The following SBF2 variants were observed in gnomAD, a reference collection of about 807,000 sequenced individuals.
SBF2 encodes the protein SET binding factor 2.
In SBF2, 112 loss-of-function variants were observed where a neutral mutation model predicts 225.2. The observed-to-expected ratio is 0.50, with a 90% confidence interval of 0.43 to 0.58. The LOEUF is 0.58. Ranked by LOEUF, SBF2 falls within the 20% of genes least tolerant of loss-of-function variation. The probability of loss-of-function intolerance (pLI) is 0.00; values close to 1 mark genes in which losing one functional copy is unlikely to be tolerated. For missense variants in SBF2, 1,996 were observed against 2,206.2 expected (o/e 0.90, Z 1.91); for synonymous variants, 763 against 773.3 (o/e 0.99, Z 0.22).
intron 1 of SBF2, among the ~76,000 whole-genome samples, chr11:10,200,463 T>C (rs1957530283): frequency 1.3e-5 from 2 of 152,192 alleles, no homozygotes; most frequent in Admixed American, 1.3e-4. Context: ...AGAATGGTGT[T>C]ATTTAAGGTC....
In SBF2 at chr11:9,894,047, A is replaced by G. The variant is rs538770356; in HGVS notation, c.1929+1896T>C. Among the ~76,000 whole-genome samples, 3 of 152,148 alleles carry G rather than the reference A, an allele frequency of 2.0e-5. No homozygotes were observed. In the South Asian group the frequency reaches 6.2e-4, roughly 32 times the overall value. On this transcript the variant is annotated intron_variant, in intron 17 of 39. Coordinates refer to ENST00000256190, the MANE Select transcript of SBF2 (RefSeq NM_030962.4). ...GACAGCTTGAGTCTAGGAATTTGAG[A>G]CCAGCCTGGGCAACATGATGAAACT...
At chr11:9,830,468 A>C (rs1299533587) in intron 27 of SBF2, among the ~76,000 whole-genome samples, 1 of 152,186 alleles carries the variant, frequency 6.6e-6, no homozygotes, top group East Asian at 1.9e-4. Context: ...AGCCAGGCGC[A>C]GTGGTTCACG....
At chr11:9,810,863 A>C (rs1333023766) in intron 30 of SBF2, 1 of 152,256 alleles carries the variant, frequency 6.6e-6, no homozygotes, top group Non-Finnish European at 1.5e-5. Flanking sequence ...ATTACTGAGT[A>C]TATACCCAAA....
intron 3 of SBF2, among the ~76,000 whole-genome samples, chr11:10,032,015 T>A (rs150570481): frequency 8.0e-4 from 122 of 152,302 alleles, no homozygotes; most frequent in Non-Finnish European, 1.4e-3. Context: ...TGCTGGATTA[T>A]AGGTGTGAGC....
chr11:9,799,425 C>T (rs1261391309), intron 32 of SBF2, among the ~76,000 whole-genome samples: 1 of 152,134 alleles, frequency 6.6e-6, no homozygotes, highest in Admixed American at 6.5e-5. Context: ...CACCTGCAGT[C>T]GCTAACTGGG....
intron 34 of SBF2, among the ~76,000 whole-genome samples, chr11:9,790,316 G>C (rs140811731): frequency 9.7e-4 from 147 of 152,266 alleles, no homozygotes; most frequent in African/African-American, 3.1e-3. Context: ...TTGATTCTCT[G>C]CAAGTTTTCC....
chr11:10,134,189 A>C (rs191834076), intron 2 of SBF2, among the ~76,000 whole-genome samples: 6 of 152,324 alleles, frequency 3.9e-5, no homozygotes, highest in African/African-American at 1.4e-4. Flanking sequence ...TCCCCTTTAC[A>C]AAACCATCAG....
intron 1 of SBF2, among the ~76,000 whole-genome samples, chr11:10,237,358 A>C (rs1438885236): frequency 6.6e-6 from 1 of 150,398 alleles, no homozygotes; most frequent in African/African-American, 2.4e-5. Flanking sequence ...AAAAACACAA[A>C]AACAACAACA....
At chr11:10,064,184 C>T (rs1950554330) in intron 2 of SBF2, among the ~76,000 whole-genome samples, 1 of 151,894 alleles carries the variant, frequency 6.6e-6, no homozygotes, top group South Asian at 2.1e-4. Context: ...TCAACAATAG[C>T]ACAAAATTTG....
chr11:10,167,225 T>C lies in SBF2; in HGVS notation c.141+26677A>G, dbSNP rs1413762799. The stretch of plus-strand genomic sequence containing the variant: ...TGGTTAATTTAACGCAAGAAACTAA[T>C]GTCCACCGTTAATGAACTTCACATA... On this transcript the variant is annotated intron_variant, in intron 2 of 39. Transcript: ENST00000256190. Among the ~76,000 whole-genome samples, 3 of 152,220 alleles carry C rather than the reference T, an allele frequency of 2.0e-5. No individual in the cohort carries two copies. In the East Asian group the frequency reaches 5.8e-4, roughly 29 times the overall value.
intron 1 of SBF2, among the ~76,000 whole-genome samples, chr11:10,291,655 TAAACAC>T (rs1964163744): frequency 1.0e-5 from 1 of 99,042 alleles, no homozygotes; most frequent in Non-Finnish European, 2.0e-5. Flanking sequence ...TATAATCCAC[TAAACAC>T]ACACACACAC....
rs914944047 is a variant in SBF2, at chr11:10,026,815, C to T, written c.619+1637G>A. ...CAACAAGATGTTCTTTGGAGACATG[C>T]CACCAGGAAGGGATTATGTACGTCA... is the stretch of plus-strand genomic sequence containing the variant. On this transcript the variant is annotated intron_variant, in intron 6 of 39. Transcript: ENST00000256190. 2.0e-5 allele frequency among the ~76,000 whole-genome samples: 3 copies of T among 151,832 alleles called. No homozygotes were observed. In the East Asian group the frequency reaches 5.8e-4, roughly 29 times the overall value.
At chr11:10,040,298 C>T (rs1224814917) in intron 3 of SBF2, among the ~76,000 whole-genome samples, 5 of 151,956 alleles carry the variant, frequency 3.3e-5, no homozygotes, top group South Asian at 2.1e-4. Context: ...TGTGGACTTC[C>T]GGATGTGTAC....
At position 9,998,122 on chromosome 11, in the gene SBF2, T is replaced by C; in HGVS notation, c.975+144A>G. 6.4e-6 allele frequency: 4 copies of C among 623,590 alleles called. 1 individual carries two copies. In the South Asian group the frequency reaches 7.9e-5, roughly 12 times the overall value. The allele number at this position is 623,590 out of a possible 1,614,324, so 38.6% of individuals were successfully genotyped here. On this transcript the variant is annotated intron_variant, in intron 9 of 39. Transcript: ENST00000256190. ...CTAGTAAATGAAGAATTCTAAATACTGTATGAGATTATGTTCATGTTTCAA... is the reference window on the plus strand; with the variant it reads ...CTAGTAAATGAAGAATTCTAAATACCGTATGAGATTATGTTCATGTTTCAA...
intron 1 of SBF2, among the ~76,000 whole-genome samples, chr11:10,199,826 T>A (rs1591197864): frequency 1.4e-5 from 2 of 147,436 alleles, no homozygotes; most frequent in East Asian, 4.3e-4. Context: ...GGAACCCTTG[T>A]GCATGTTGAT....
intron 2 of SBF2, among the ~76,000 whole-genome samples, chr11:10,162,749 T>C (rs1440821679): frequency 6.6e-6 from 1 of 152,170 alleles, no homozygotes; most frequent in Admixed American, 6.5e-5. Context: ...TGGATATGCA[T>C]AATTTATTTA....
chr11:10,116,477 T>C (rs1953143270), intron 2 of SBF2, among the ~76,000 whole-genome samples: 2 of 152,308 alleles, frequency 1.3e-5, no homozygotes, highest in Non-Finnish European at 2.9e-5. Flanking sequence ...GATACTCTCT[T>C]CTAAATTTTT....
chr11:9,786,611 C>T (rs549194130), intron 36 of SBF2, among the ~76,000 whole-genome samples: 2 of 152,264 alleles, frequency 1.3e-5, no homozygotes, highest in African/African-American at 4.8e-5. Context: ...AACTGTTCTT[C>T]AGAACACTCA....
At chr11:9,972,818 T>C (rs1185576619) in intron 13 of SBF2, among the ~76,000 whole-genome samples, 2 of 152,206 alleles carry the variant, frequency 1.3e-5, no homozygotes, top group African/African-American at 4.8e-5. Context: ...CCAGAAGCAA[T>C]TAGAAATATT....
Sources: gnomAD v4.1 joint callset for allele counts (sites outside exome capture counted in the v4.1 genomes callset) on GRCh38, gnomAD v4.1.1 for gene constraint, MANE v1.5 for transcripts, NCBI Gene and HGNC (gene_info 2026-07-23, HGNC 2026-07-21) for gene names.